The following DYNLT5 variants were observed in gnomAD, a reference collection of about 807,000 sequenced individuals.
The protein encoded by DYNLT5 is dynein light chain Tctex-type 5.
Under a neutral mutation model 19.3 loss-of-function variants are expected in DYNLT5, and 25 were observed. The ratio of observed to expected loss-of-function variants is 1.30; its 90% CI spans 0.95 to 1.81. The LOEUF (loss-of-function observed/expected upper bound fraction) is 1.81, where lower values mean the gene tolerates loss of function less well. Among genes scored for constraint, DYNLT5 ranks in the 40% most tolerant of loss-of-function variants. The probability of loss-of-function intolerance (pLI) is 0.00; values close to 1 mark genes in which losing one functional copy is unlikely to be tolerated. For missense variants in DYNLT5, 232 were observed against 217.9 expected (o/e 1.06, Z -0.41); for synonymous variants, 82 against 68.9 (o/e 1.19, Z -0.94).
At chr1:66,774,039 CTTTTT>C (rs550780444) in intron 3 of DYNLT5, among the ~76,000 whole-genome samples, 1 of 151,110 alleles carries the variant, frequency 6.6e-6, no homozygotes, top group Non-Finnish European at 1.5e-5. Context: ...TGGTTAATGA[CTTTTT>C]TTTTAATCTA....
chr1:66,754,742 A>G lies in DYNLT5; in HGVS notation c.84A>G (p.Glu28=), dbSNP rs368493963. 47 of 1,612,922 alleles carry G rather than the reference A, an allele frequency of 2.9e-5. No homozygotes were observed. In the Middle Eastern group the frequency reaches 1.2e-3, roughly 40 times the overall value. The change falls in exon 2 of 5, where the codon GAA becomes GAG. Residue 28 remains glutamate (E), a synonymous_variant. Coordinates refer to ENST00000282670, the MANE Select transcript of DYNLT5 (RefSeq NM_152665.3). ...RGSISSLSNH[E]FWRKEIHGRI... ...GTATTTCTTCTCTAAGTAATCATGAATTTTGGCGAAAGGAAATTCATGGGC... is the reference window on the plus strand; with the variant it reads ...GTATTTCTTCTCTAAGTAATCATGAGTTTTGGCGAAAGGAAATTCATGGGC...
rs369410932 is a variant in DYNLT5 at position 66,770,400 on chromosome 1, G to A, written c.133G>A (p.Val45Met). 1 of 1,612,366 alleles carries A rather than the reference G, an allele frequency of 6.2e-7. No individual in the cohort carries two copies. The highest frequency in any genetic ancestry group is 2.2e-5 in the East Asian group (1 of 44,828). The change falls in exon 3 of 5, where the codon GTG becomes ATG. Residue 45 changes from valine (V) to methionine (M), a missense_variant. Physicochemically the swap from Val to Met is conservative, Grantham distance 21 (BLOSUM62 1). Coordinates refer to ENST00000282670, the MANE Select transcript of DYNLT5 (RefSeq NM_152665.3). ...HGRIKDSMST[V>M]SYMEEPSQRD... ...CCTTGTTTTTAGTTCTATGAGTACT[G>A]TGTCTTATATGGAAGAACCCAGTCA... is the stretch of plus-strand genomic sequence containing the variant.
In DYNLT5 at chr1:66,760,157, T is replaced by G. The variant is rs146076473; in HGVS notation, c.119+5380T>G. ...CCAAACTCCCTTAACCTGCTCTATTTTTTCTCTTCCCTGAGGCATGTATCA... is the reference window on the plus strand; with the variant it reads ...CCAAACTCCCTTAACCTGCTCTATTGTTTCTCTTCCCTGAGGCATGTATCA... On this transcript the variant is annotated intron_variant, in intron 2 of 4. Coordinates refer to ENST00000282670, the MANE Select transcript of DYNLT5 (RefSeq NM_152665.3). 2.2e-3 allele frequency among the ~76,000 whole-genome samples: 329 copies of G among 152,308 alleles called. 2 individuals are homozygous for G. The highest frequency in any genetic ancestry group is 7.1e-3 in the Admixed American group (108 of 15,300).
chr1:66,772,485 T>C (rs1213402856), intron 3 of DYNLT5, among the ~76,000 whole-genome samples: 1 of 152,148 alleles, frequency 6.6e-6, no homozygotes, highest in Non-Finnish European at 1.5e-5. Context: ...AGGCCCCACC[T>C]CCAACACTGG....
intron 3 of DYNLT5, among the ~76,000 whole-genome samples, chr1:66,771,407 T>C (rs1645203618): frequency 6.6e-6 from 1 of 152,246 alleles, no homozygotes; most frequent in South Asian, 2.1e-4. Context: ...CCTAGCATTC[T>C]AATGAAGCTG....
intron 2 of DYNLT5, chr1:66,768,793 T>A (rs1219835649): frequency 2.0e-5 from 3 of 152,194 alleles, no homozygotes; most frequent in Non-Finnish European, 2.9e-5. Context: ...AATTATTTCA[T>A]TGTCCCTATT....
intron 2 of DYNLT5, among the ~76,000 whole-genome samples, chr1:66,764,688 A>G (rs896449030): frequency 6.6e-6 from 1 of 152,262 alleles, no homozygotes; most frequent in African/African-American, 2.4e-5. Flanking sequence ...TGTTGGAAAA[A>G]TAATGCTGAC....
At chr1:66,763,720 A>C (rs138864803) in intron 2 of DYNLT5, among the ~76,000 whole-genome samples, 243 of 152,286 alleles carry the variant, frequency 1.6e-3, no homozygotes, top group African/African-American at 5.7e-3. Context: ...CTTAGCCTTC[A>C]TGGAAGTGAA....
chr1:66,757,648 C>T (rs1450729616), intron 2 of DYNLT5, among the ~76,000 whole-genome samples: 1 of 152,014 alleles, frequency 6.6e-6, no homozygotes, highest in Admixed American at 6.6e-5. Context: ...ATGATAATAG[C>T]TAACATTTAT....
chr1:66,770,607 G>T (rs759182187), intron 3 of DYNLT5, 129 bp downstream of exon 3: 1 of 790,122 alleles, frequency 1.3e-6, no homozygotes, highest in East Asian at 2.5e-5. Flanking sequence ...AATGAATTGA[G>T]TGATTTGATG....
chr1:66,757,710 A>C (rs1387015892), intron 2 of DYNLT5, among the ~76,000 whole-genome samples: 1 of 152,170 alleles, frequency 6.6e-6, no homozygotes, highest in Non-Finnish European at 1.5e-5. Flanking sequence ...CCATAATAGG[A>C]GTTGGCAAAC....
At chr1:66,770,103 T>C (rs1051527897) in intron 2 of DYNLT5, among the ~76,000 whole-genome samples, 1 of 152,184 alleles carries the variant, frequency 6.6e-6, no homozygotes, top group African/African-American at 2.4e-5. Flanking sequence ...CCCATACACA[T>C]ACATCAACCC....
chr1:66,771,050 C>T (rs1645201877), intron 3 of DYNLT5, among the ~76,000 whole-genome samples: 3 of 152,156 alleles, frequency 2.0e-5, no homozygotes, highest in African/African-American at 7.2e-5. Flanking sequence ...AGCGTACCTG[C>T]CCACTATTAC....
rs1346987612 is a variant in DYNLT5 at position 66,754,785 on chromosome 1, A to C, written c.119+8A>C. On this transcript the variant is annotated splice_region_variant and intron_variant, in intron 2 of 4. Transcript: ENST00000282670. ...TCATGGGCGCATCAAAGAGTGAGTA[A>C]CTGTCTAAAATTGTAAATTCATTTA... 2.8e-5 allele frequency: 45 copies of C among 1,606,374 alleles called. No homozygotes were observed. The highest frequency in any genetic ancestry group is 3.8e-5 in the Non-Finnish European group (45 of 1,177,722).
chr1:66,770,177 A>T (rs540289513), intron 2 of DYNLT5, among the ~76,000 whole-genome samples: 27 of 152,308 alleles, frequency 1.8e-4, no homozygotes, highest in Admixed American at 1.6e-3. Context: ...CATCACATTG[A>T]GACCTGCTCC....
chr1:66,778,052 G>A lies in DYNLT5; in HGVS notation c.*598G>A, dbSNP rs1645247169. 1 of 152,658 alleles carries A rather than the reference G, an allele frequency of 6.6e-6. No homozygotes were observed. The highest frequency in any genetic ancestry group is 2.4e-5 in the African/African-American group (1 of 41,460). 9.5% of individuals were successfully genotyped at this position (152,658 alleles called of 1,614,324 possible). On this transcript the variant is annotated 3_prime_UTR_variant, in exon 5 of 5. Coordinates refer to ENST00000282670, the MANE Select transcript of DYNLT5 (RefSeq NM_152665.3). The stretch of plus-strand genomic sequence containing the variant: ...TCCCACGGGCTGCAAGCTAAAACTA[G>A]AAGCTCTTGTGGCTTGCCTGCACTT...
intron 2 of DYNLT5, among the ~76,000 whole-genome samples, chr1:66,760,123 C>T (rs964785685): frequency 6.6e-6 from 1 of 152,154 alleles, no homozygotes; most frequent in Non-Finnish European, 1.5e-5. Context: ...TCTTCTCCTC[C>T]ACCCACTTCC....
intron 2 of DYNLT5, among the ~76,000 whole-genome samples, chr1:66,763,867 C>T (rs142068690): frequency 2.6e-5 from 4 of 152,248 alleles, no homozygotes; most frequent in South Asian, 2.1e-4. Flanking sequence ...CATGTGTTCA[C>T]GGAAGTGACA....
chr1:66,776,908 A>G (rs763224591), intron 4 of DYNLT5, among the ~76,000 whole-genome samples: 3 of 152,210 alleles, frequency 2.0e-5, no homozygotes, highest in Non-Finnish European at 4.4e-5. Flanking sequence ...TTAGACATGA[A>G]CAAGACAGTG....
Sources: allele counts gnomAD v4.1 joint callset (sites outside exome capture counted in the v4.1 genomes callset), GRCh38; gene constraint gnomAD v4.1.1; transcripts MANE v1.5; gene names NCBI Gene and HGNC (gene_info 2026-07-23, HGNC 2026-07-21).